Variants in CSMD1 observed in about 807,000 individuals in gnomAD.
The protein encoded by CSMD1 is CUB and Sushi multiple domains 1.
A neutral mutation model predicts 417.5 loss-of-function variants in CSMD1; 213 were observed. That is an observed-to-expected ratio of 0.51 (90% CI 0.46 to 0.57). CSMD1 has a LOEUF of 0.57. CSMD1 is among the 20% of genes least tolerant of loss of function. CSMD1 has a pLI of 0.00. For synonymous variants in CSMD1, 2,862 were observed against 1,736.8 expected (o/e 1.65, Z -16.11); for missense variants, 6,923 against 4,529.7 (o/e 1.53, Z -15.17).
intron 3 of CSMD1, among the ~76,000 whole-genome samples, chr8:4,398,727 A>G (rs1804441678): frequency 6.6e-6 from 1 of 152,082 alleles, no homozygotes; most frequent in African/African-American, 2.4e-5. Flanking sequence ...CTTTCAAACA[A>G]ATGCTAACAG....
chr8:4,550,073 C>T (rs1797803580), intron 2 of CSMD1, among the ~76,000 whole-genome samples: 1 of 151,748 alleles, frequency 6.6e-6, no homozygotes, highest in Admixed American at 6.6e-5. Context: ...TGGAACACCC[C>T]CATGTTTGGA....
intron 2 of CSMD1, among the ~76,000 whole-genome samples, chr8:4,595,181 G>A (rs898337601): frequency 6.6e-6 from 1 of 151,840 alleles, no homozygotes; most frequent in African/African-American, 2.4e-5. Context: ...CTAATTAATT[G>A]CAGAAACATC....
chr8:4,635,703 G>A (rs2724971), intron 2 of CSMD1, among the ~76,000 whole-genome samples: 88,148 of 151,786 alleles, frequency 0.58, 26,080 homozygotes, highest in Admixed American at 0.71. Context: ...CCCTAGTAGC[G>A]TTGATAATTG....
At chr8:4,047,495 C>T (rs765365364) in intron 3 of CSMD1, among the ~76,000 whole-genome samples, 5 of 151,574 alleles carry the variant, frequency 3.3e-5, no homozygotes, top group Admixed American at 2.6e-4. Context: ...AGCGTAAATG[C>T]AGGGAAGGCA....
chr8:4,969,175 T>A (rs1197168610), intron 1 of CSMD1, among the ~76,000 whole-genome samples: 2 of 152,114 alleles, frequency 1.3e-5, no homozygotes, highest in African/African-American at 2.4e-5. Flanking sequence ...GGATTGCGTG[T>A]GTGCGTGTGT....
chr8:4,605,819 G>A (rs1030474107), intron 2 of CSMD1, among the ~76,000 whole-genome samples: 1 of 152,192 alleles, frequency 6.6e-6, no homozygotes, highest in African/African-American at 2.4e-5. Flanking sequence ...GGTGAAACTT[G>A]ATGGTGGACA....
intron 10 of CSMD1, among the ~76,000 whole-genome samples, chr8:3,546,586 G>T (rs140833596): frequency 6.6e-6 from 1 of 151,934 alleles, no homozygotes; most frequent in African/African-American, 2.4e-5. Flanking sequence ...TCTCCTCACA[G>T]TACTGAGCAA....
rs534846426 is a variant in CSMD1, at chr8:4,578,562, A to T, written c.302+58780T>A. 5.9e-4 allele frequency among the ~76,000 whole-genome samples: 89 copies of T among 151,428 alleles called. 1 individual carries two copies. Among genetic ancestry groups the T allele is most frequent in the African/African-American group, 1.8e-3 (73 of 41,206 alleles). On this transcript the variant is annotated intron_variant, in intron 2 of 69. Transcript: ENST00000635120. ...CTGGGTGCAATGCTTCATGCCTGTAATCTCGGCATTTTGGGAGGCCAAGGT... is the reference window on the plus strand; with the variant it reads ...CTGGGTGCAATGCTTCATGCCTGTATTCTCGGCATTTTGGGAGGCCAAGGT...
At chr8:3,495,190 G>A (rs939063808) in intron 10 of CSMD1, among the ~76,000 whole-genome samples, 2 of 152,160 alleles carry the variant, frequency 1.3e-5, no homozygotes, top group Non-Finnish European at 2.9e-5. Context: ...CGTAGCACCT[G>A]ATATTTTTAT....
chr8:4,553,190 G>A (rs1797945755), intron 2 of CSMD1, among the ~76,000 whole-genome samples: 1 of 152,112 alleles, frequency 6.6e-6, no homozygotes, highest in Non-Finnish European at 1.5e-5. Context: ...CCTTTCCCAT[G>A]TTTCACATGT....
chr8:4,157,423 TTCTTTC>T (rs1197219866), intron 3 of CSMD1, among the ~76,000 whole-genome samples: 1 of 152,156 alleles, frequency 6.6e-6, no homozygotes, highest in African/African-American at 2.4e-5. Context: ...TTCGTCCTTT[TTCTTTC>T]TCTATTTTCC....
At chr8:4,053,111 C>G (rs1798517643) in intron 3 of CSMD1, among the ~76,000 whole-genome samples, 1 of 152,110 alleles carries the variant, frequency 6.6e-6, no homozygotes, top group Non-Finnish European at 1.5e-5. Context: ...ATACGAGGAC[C>G]CCTTGCCCAG....
At chr8:3,561,306 T>C (rs1023333919) in intron 10 of CSMD1, among the ~76,000 whole-genome samples, 2 of 152,114 alleles carry the variant, frequency 1.3e-5, no homozygotes, top group African/African-American at 2.4e-5. Flanking sequence ...GGAAAGGAAA[T>C]CATTCTACGA....
intron 5 of CSMD1, among the ~76,000 whole-genome samples, chr8:3,904,543 G>C (rs1441807044): frequency 1.3e-5 from 2 of 151,824 alleles, no homozygotes; most frequent in Non-Finnish European, 2.9e-5. Flanking sequence ...TACCAAAGCT[G>C]TTGTATGTGA....
intron 7 of CSMD1, among the ~76,000 whole-genome samples, chr8:3,644,269 T>C (rs1454016354): frequency 6.6e-6 from 1 of 152,170 alleles, no homozygotes; most frequent in Non-Finnish European, 1.5e-5. Context: ...ACCATTGCTG[T>C]TAGAGAATTT....
chr8:3,554,003 T>A (rs73176990), intron 10 of CSMD1, among the ~76,000 whole-genome samples: 10 of 152,110 alleles, frequency 6.6e-5, no homozygotes, highest in African/African-American at 1.2e-4. Flanking sequence ...TCTCTAGGAC[T>A]GATTTTATTT....
At chr8:3,947,544 G>C (rs559589933) in intron 5 of CSMD1, among the ~76,000 whole-genome samples, 1 of 151,758 alleles carries the variant, frequency 6.6e-6, no homozygotes, top group Admixed American at 6.6e-5. Flanking sequence ...CATAACCCAC[G>C]GGAAAGCTCC....
chr8:4,334,475 C>G (rs1800048991), intron 3 of CSMD1, among the ~76,000 whole-genome samples: 1 of 152,160 alleles, frequency 6.6e-6, no homozygotes, highest in Non-Finnish European at 1.5e-5. Context: ...GAGTGTTCAT[C>G]CTGCCTTATC....
intron 3 of CSMD1, among the ~76,000 whole-genome samples, chr8:4,351,138 G>T (rs114868997): frequency 6.6e-6 from 1 of 150,998 alleles, no homozygotes; most frequent in Admixed American, 6.6e-5. Flanking sequence ...GGGCAACATA[G>T]CAAGGTCCCA....
Sources: gnomAD v4.1 joint callset for allele counts (sites outside exome capture counted in the v4.1 genomes callset) on GRCh38, gnomAD v4.1.1 for gene constraint, MANE v1.5 for transcripts, NCBI Gene and HGNC (gene_info 2026-07-23, HGNC 2026-07-21) for gene names.